Variants in EYA2 observed in about 807,000 individuals in gnomAD.
The protein encoded by EYA2 is EYA transcriptional coactivator and phosphatase 2, also known as protein phosphatase EYA2.
A neutral mutation model predicts 69.2 loss-of-function variants in EYA2; 31 were observed. That is an observed-to-expected ratio of 0.45 (90% CI 0.34 to 0.60). The LOEUF is 0.60. Among genes scored for constraint, EYA2 ranks in the 20% least tolerant of loss-of-function variants. EYA2 has a pLI of 0.02. For synonymous variants in EYA2, 257 were observed against 279.4 expected, an observed-to-expected ratio of 0.92 and a Z score of 0.80; for missense variants, 622 against 701.2, an observed-to-expected ratio of 0.89 and a Z score of 1.28.
At chr20:47,067,820 A>G (rs1289544299) in intron 5 of EYA2, among the ~76,000 whole-genome samples, 1 of 152,124 alleles carries the variant, frequency 6.6e-6, no homozygotes, top group African/African-American at 2.4e-5. Flanking sequence ...CTGCTGTAAC[A>G]AATTCTTTTG....
chr20:46,912,577 T>TA (rs1230616536), intron 1 of EYA2, among the ~76,000 whole-genome samples: 3 of 151,082 alleles, frequency 2.0e-5, no homozygotes, highest in African/African-American at 7.3e-5. Flanking sequence ...AGATAGACAA[T>TA]AAAAAAGCAA....
At chr20:47,151,533 C>T (rs1034991106) in intron 10 of EYA2, among the ~76,000 whole-genome samples, 11 of 151,854 alleles carry the variant, frequency 7.2e-5, no homozygotes, top group Non-Finnish European at 1.2e-4. Context: ...ATTCTGCCCA[C>T]GCCATGCCCT....
chr20:46,973,215 A>G (rs1980244396), intron 1 of EYA2, among the ~76,000 whole-genome samples: 1 of 152,218 alleles, frequency 6.6e-6, no homozygotes, highest in Non-Finnish European at 1.5e-5. Flanking sequence ...TGGGAAATAC[A>G]ATGAAAAGAG....
intron 5 of EYA2, among the ~76,000 whole-genome samples, chr20:47,071,092 C>A (rs4487144): frequency 6.6e-6 from 1 of 151,998 alleles, no homozygotes; most frequent in Admixed American, 6.6e-5. Context: ...TCGCTGCTAC[C>A]TCCGCCTCCC....
chr20:47,044,552 A>C (rs2029933744), intron 5 of EYA2, among the ~76,000 whole-genome samples: 1 of 152,236 alleles, frequency 6.6e-6, no homozygotes, highest in African/African-American at 2.4e-5. Context: ...TGCACTGTTC[A>C]ACCAGGTGGT....
intron 5 of EYA2, among the ~76,000 whole-genome samples, chr20:47,039,667 C>G (rs755056280): frequency 1.4e-4 from 21 of 152,050 alleles, no homozygotes; most frequent in Non-Finnish European, 2.2e-4. Context: ...TCTCTTTTTT[C>G]TATTCCTGAG....
chr20:47,137,883 G>A (rs970638619), intron 9 of EYA2, among the ~76,000 whole-genome samples: 9 of 151,530 alleles, frequency 5.9e-5, no homozygotes, highest in Non-Finnish European at 1.0e-4. Context: ...GTAAACTATC[G>A]CAAGAACAAA....
intron 10 of EYA2, among the ~76,000 whole-genome samples, chr20:47,154,355 C>G (rs1222074441): frequency 6.6e-6 from 1 of 152,042 alleles, no homozygotes; most frequent in Non-Finnish European, 1.5e-5. Flanking sequence ...CCTCTAAATA[C>G]AGCCACATAG....
intron 9 of EYA2, among the ~76,000 whole-genome samples, chr20:47,108,323 ACTCT>A (rs543633656): frequency 6.6e-6 from 1 of 151,236 alleles, no homozygotes; most frequent in African/African-American, 2.4e-5. Flanking sequence ...AGCTCCCTCC[ACTCT>A]CTCTCTTCCT....
intron 3 of EYA2, among the ~76,000 whole-genome samples, chr20:47,001,833 C>T (rs573618653): frequency 2.1e-4 from 32 of 151,474 alleles, no homozygotes; most frequent in Admixed American, 1.9e-3. Flanking sequence ...CTCTGCTTTC[C>T]CATGCATAGG....
chr20:46,911,028 C>T (rs549655849), intron 1 of EYA2, among the ~76,000 whole-genome samples: 10 of 152,262 alleles, frequency 6.6e-5, no homozygotes, highest in South Asian at 4.1e-4. Flanking sequence ...TACCATTTAC[C>T]GTTGGGACCA....
At chr20:46,938,554 A>G (rs1600561938) in intron 1 of EYA2, among the ~76,000 whole-genome samples, 1 of 152,192 alleles carries the variant, frequency 6.6e-6, no homozygotes, top group East Asian at 1.9e-4. Flanking sequence ...GTAGCTGTTG[A>G]TTGGAGGCCT....
chr20:47,001,425 C>T lies in EYA2; in HGVS notation c.110-3C>T, dbSNP rs776634979. 4.3e-6 allele frequency: 7 copies of T among 1,613,968 alleles called. No individual in the cohort carries two copies. The South Asian group carries it at 5.5e-5, about 13-fold the overall frequency. ...TCTTCCAATTTTTCTTTTTCTCCTG[C>T]AGGCATCACCAAATCGGCCCCCCTG... On this transcript the variant is annotated splice_polypyrimidine_tract_variant and splice_region_variant and intron_variant, in intron 2 of 15. Transcript: ENST00000327619.
chr20:47,131,563 G>A (rs1047471937), intron 9 of EYA2, among the ~76,000 whole-genome samples: 3 of 152,200 alleles, frequency 2.0e-5, no homozygotes, highest in African/African-American at 7.2e-5. Flanking sequence ...CTGTGATTAT[G>A]TGTCCCTAAT....
intron 7 of EYA2, among the ~76,000 whole-genome samples, chr20:47,078,321 GCGCGCGCGCGCA>G (rs999860962): frequency 1.2e-5 from 1 of 84,046 alleles, no homozygotes; most frequent in Non-Finnish European, 3.0e-5. Flanking sequence ...GTGCACGTGC[GCGCGCGCGCGCA>G]CACACACACA....
intron 12 of EYA2, among the ~76,000 whole-genome samples, chr20:47,178,218 C>T (rs888083857): frequency 6.6e-6 from 1 of 151,800 alleles, no homozygotes; most frequent in Non-Finnish European, 1.5e-5. Flanking sequence ...GTTCCAGCTA[C>T]TCAGGAGGCT....
intron 9 of EYA2, chr20:47,117,349 AC>A: frequency 2.0e-6 from 2 of 984,748 alleles, no homozygotes; most frequent in Non-Finnish European, 2.4e-6. Flanking sequence ...CCATCCTTTC[AC>A]ACATTCATCT....
intron 5 of EYA2, among the ~76,000 whole-genome samples, chr20:47,066,098 G>A (rs2031097796): frequency 6.6e-6 from 1 of 152,150 alleles, no homozygotes; most frequent in Non-Finnish European, 1.5e-5. Flanking sequence ...TGAGCATTTA[G>A]GGAGGCCAAG....
At chr20:47,008,045 C>T (rs1982828185) in intron 4 of EYA2, among the ~76,000 whole-genome samples, 1 of 152,096 alleles carries the variant, frequency 6.6e-6, no homozygotes, top group Non-Finnish European at 1.5e-5. Flanking sequence ...TGTTGGAGGC[C>T]TGGGGCGAGG....
Sources: gnomAD v4.1 joint callset for allele counts (sites outside exome capture counted in the v4.1 genomes callset) on GRCh38, gnomAD v4.1.1 for gene constraint, MANE v1.5 for transcripts, NCBI Gene and HGNC (gene_info 2026-07-23, HGNC 2026-07-21) for gene names.